Variants in NELL1 observed in about 807,000 individuals in gnomAD.
NELL1 encodes neural EGFL like 1.
NELL1 carries 76 observed loss-of-function variants against 107.4 expected under a neutral mutation model. The ratio of observed to expected loss-of-function variants is 0.71; its 90% CI spans 0.59 to 0.86. NELL1 has a LOEUF of 0.86. Ranked by LOEUF, NELL1 falls within the 40% of genes least tolerant of loss-of-function variation. The probability of loss-of-function intolerance (pLI) is 0.00; values close to 1 mark genes in which losing one functional copy is unlikely to be tolerated. For synonymous variants in NELL1, 353 were observed against 341.2 expected, an observed-to-expected ratio of 1.03 and a Z score of -0.38; for missense variants, 1,024 against 1,005.5, an observed-to-expected ratio of 1.02 and a Z score of -0.25.
intron 14 of NELL1, among the ~76,000 whole-genome samples, chr11:21,337,277 C>A (rs1031181007): frequency 2.0e-5 from 3 of 152,104 alleles, no homozygotes; most frequent in African/African-American, 7.2e-5. Context: ...AATGTAGGAA[C>A]AAAAGTCCAC....
At chr11:20,715,882 C>G (rs1386270151) in intron 2 of NELL1, among the ~76,000 whole-genome samples, 2 of 152,158 alleles carry the variant, frequency 1.3e-5, no homozygotes, top group Non-Finnish European at 2.9e-5. Flanking sequence ...TTGACATGGG[C>G]TTTCTTGAGA....
chr11:21,459,094 C>T (rs1213566828), intron 15 of NELL1, among the ~76,000 whole-genome samples: 3 of 151,954 alleles, frequency 2.0e-5, no homozygotes, highest in African/African-American at 7.2e-5. Context: ...AGTCGTGAGC[C>T]TTCTGCTGAG....
intron 15 of NELL1, among the ~76,000 whole-genome samples, chr11:21,515,447 C>T (rs1427683997): frequency 6.6e-6 from 1 of 152,086 alleles, no homozygotes; most frequent in Non-Finnish European, 1.5e-5. Context: ...TGCTACCTGC[C>T]ACTAACTTTC....
At chr11:21,238,624 G>A (rs1858270409) in intron 14 of NELL1, among the ~76,000 whole-genome samples, 1 of 151,942 alleles carries the variant, frequency 6.6e-6, no homozygotes, top group East Asian at 1.9e-4. Context: ...AATGAAAATG[G>A]GAAACAAAAA....
At chr11:21,546,375 A>G (rs1305487778) in intron 16 of NELL1, among the ~76,000 whole-genome samples, 1 of 151,986 alleles carries the variant, frequency 6.6e-6, no homozygotes, top group African/African-American at 2.4e-5. Flanking sequence ...GTTAGAGCCA[A>G]AGATCATGTC....
At chr11:20,915,717 A>ATATATATATATATATATATATATTTTTTT in intron 5 of NELL1, among the ~76,000 whole-genome samples, 4 of 58,216 alleles carry the variant, frequency 6.9e-5, no homozygotes, top group African/African-American at 2.7e-4. Flanking sequence ...ATATATATAT[A>ATATATATATATATATATATATATTTTTTT]TTTTTTTTTT....
chr11:21,355,727 A>G lies in NELL1; in HGVS notation c.1550-15126A>G, dbSNP rs375305869. ...ATCTGTTGAATTGCCCTTCCTTTTA[A>G]TAAATCTTTCATTTCTACATTCTGG... On this transcript the variant is annotated intron_variant, in intron 14 of 19. Coordinates refer to ENST00000357134, the MANE Select transcript of NELL1 (RefSeq NM_006157.5). Among the ~76,000 whole-genome samples the G allele has an allele frequency of 1.7e-3, 259 of 152,302 alleles. 9 individuals carry two copies. The South Asian group carries it at 0.051, about 30-fold the overall frequency.
intron 14 of NELL1, chr11:21,284,899 C>A (rs1286440439): frequency 3.9e-6 from 1 of 253,490 alleles, no homozygotes; most frequent in East Asian, 9.1e-5. Flanking sequence ...CAGGGTACCA[C>A]ATTGGACATC....
intron 4 of NELL1, among the ~76,000 whole-genome samples, chr11:20,879,547 C>T (rs745756410): frequency 1.3e-5 from 2 of 151,876 alleles, no homozygotes; most frequent in Non-Finnish European, 2.9e-5. Flanking sequence ...AGTGTGCTGC[C>T]GTATTTTACT....
chr11:21,552,314 T>C (rs1337550674), intron 16 of NELL1, among the ~76,000 whole-genome samples: 1 of 151,516 alleles, frequency 6.6e-6, no homozygotes, highest in African/African-American at 2.4e-5. Flanking sequence ...TTAATGTTTG[T>C]TTGAGTCTTT....
At chr11:21,106,562 T>C (rs909805873) in intron 12 of NELL1, among the ~76,000 whole-genome samples, 4 of 152,144 alleles carry the variant, frequency 2.6e-5, no homozygotes, top group African/African-American at 7.2e-5. Context: ...TCGTGTTTTT[T>C]CTCTTATAAA....
At chr11:21,028,632 CA>C (rs2134313315) in intron 12 of NELL1, among the ~76,000 whole-genome samples, 1 of 152,210 alleles carries the variant, frequency 6.6e-6, no homozygotes, top group African/African-American at 2.4e-5. Context: ...CAGTTGTATC[CA>C]TGCTCTCTCT....
chr11:21,538,551 C>T (rs1355465589), intron 16 of NELL1, among the ~76,000 whole-genome samples: 1 of 151,872 alleles, frequency 6.6e-6, no homozygotes, highest in African/African-American at 2.4e-5. Flanking sequence ...CTTTATAATG[C>T]CAGGAGAAAA....
intron 12 of NELL1, among the ~76,000 whole-genome samples, chr11:21,087,601 T>C (rs1344934554): frequency 6.6e-6 from 1 of 152,138 alleles, no homozygotes; most frequent in African/African-American, 2.4e-5. Flanking sequence ...TCCTGGGAAG[T>C]TGTTTGGGAC....
chr11:20,869,120 G>T (rs961975040), intron 4 of NELL1, among the ~76,000 whole-genome samples: 1 of 152,062 alleles, frequency 6.6e-6, no homozygotes, highest in African/African-American at 2.4e-5. Flanking sequence ...AAGTGGAGAG[G>T]CTCATAAGGC....
At chr11:21,075,904 C>T (rs1362264390) in intron 12 of NELL1, among the ~76,000 whole-genome samples, 2 of 152,134 alleles carry the variant, frequency 1.3e-5, no homozygotes, top group East Asian at 3.8e-4. Context: ...AGGAGATAAA[C>T]CTGGTCTTAG....
intron 8 of NELL1, 41 bp downstream of exon 8, chr11:20,927,483 A>AG (rs1850525705): frequency 6.3e-7 from 1 of 1,581,084 alleles, no homozygotes; most frequent in African/African-American, 1.4e-5. Context: ...AACAGTTTTA[A>AG]GGGGAGAGGT....
At chr11:21,327,369 A>C (rs1850170454) in intron 14 of NELL1, among the ~76,000 whole-genome samples, 2 of 152,030 alleles carry the variant, frequency 1.3e-5, no homozygotes, top group Non-Finnish European at 2.9e-5. Context: ...TGGTTTTATA[A>C]GGGGCTTTTC....
intron 14 of NELL1, among the ~76,000 whole-genome samples, chr11:21,335,537 A>G (rs1565173958): frequency 6.6e-6 from 1 of 152,086 alleles, no homozygotes; most frequent in Non-Finnish European, 1.5e-5. Context: ...GAAATTTCCA[A>G]TGCCTTTTAT....
Sources: allele counts gnomAD v4.1 joint callset (sites outside exome capture counted in the v4.1 genomes callset), GRCh38; gene constraint gnomAD v4.1.1; transcripts MANE v1.5; gene names NCBI Gene and HGNC (gene_info 2026-07-23, HGNC 2026-07-21).